The following GNAI1 variants were observed in gnomAD, a reference collection of about 807,000 sequenced individuals.
GNAI1 encodes the protein G protein subunit alpha i1.
A neutral mutation model predicts 38.9 loss-of-function variants in GNAI1; 11 were observed. The observed-to-expected ratio is 0.28, with a 90% confidence interval of 0.18 to 0.47. The LOEUF (loss-of-function observed/expected upper bound fraction) is 0.47, where lower values mean the gene tolerates loss of function less well. Among genes scored for constraint, GNAI1 ranks in the 20% least tolerant of loss-of-function variants. The probability of loss-of-function intolerance (pLI) is 0.99; values close to 1 mark genes in which losing one functional copy is unlikely to be tolerated. For synonymous variants in GNAI1, 166 were observed against 145.1 expected, an observed-to-expected ratio of 1.14 and a Z score of -1.04; for missense variants, 317 against 436.9, an observed-to-expected ratio of 0.73 and a Z score of 2.45.
At chr7:80,204,343 A>G (rs1198751178) in intron 5 of GNAI1, among the ~76,000 whole-genome samples, 1 of 152,070 alleles carries the variant, frequency 6.6e-6, no homozygotes, top group Non-Finnish European at 1.5e-5. Flanking sequence ...TTTAAAGTGT[A>G]CTGAATATCC....
chr7:80,217,198 C>CTGTATGAAACTGACTTCAGTTTCATA (rs146256242), intron 7 of GNAI1, 105 bp from the exon 8 acceptor site: 162,886 of 476,932 alleles, frequency 0.34, 32,625 homozygotes, highest in East Asian at 0.79. Context: ...ATGAATGAAA[C>CTGTATGAAACTGACTTCAGTTTCATA]TGTATGAAAC....
chr7:80,169,576 T>A (rs1788068070), intron 1 of GNAI1, among the ~76,000 whole-genome samples: 1 of 152,168 alleles, frequency 6.6e-6, no homozygotes, highest in Non-Finnish European at 1.5e-5. Flanking sequence ...GATGACTTCA[T>A]GGAAGGGAAG....
Position 80,222,222 on chromosome 7 carries a change from C to T in GNAI1, c.*4729C>T, listed in dbSNP as rs1789091334. On this transcript the variant is annotated 3_prime_UTR_variant, in exon 8 of 8. Transcript: ENST00000649796. ...ATTGTCCAAGCCAGAGCTGATTAGG[C>T]CTCAACTGGAATAGTCCCACCATGT... 6.6e-6 allele frequency among the ~76,000 whole-genome samples: 1 copy of T among 151,994 alleles called. No homozygotes were observed. The highest frequency in any genetic ancestry group is 1.5e-5 in the Non-Finnish European group (1 of 67,998).
chr7:80,206,083 C>T (rs760804354), intron 5 of GNAI1, among the ~76,000 whole-genome samples: 4 of 151,984 alleles, frequency 2.6e-5, no homozygotes, highest in Non-Finnish European at 4.4e-5. Flanking sequence ...TTATATGCAA[C>T]GATACTTCTG....
rs1237035776 is a variant in GNAI1, at chr7:80,135,295, CG to C, written c.118+21del. On this transcript the variant is annotated intron_variant, in intron 1 of 7. Transcript: ENST00000649796. ...TGCTGCTCGGTAAGGGCGGCCGGGT[CG>C]GGGCCCGGGGGTCGGCGGGGGACCG... 7.3e-7 allele frequency: 1 copy of C among 1,373,682 alleles called. No homozygotes were observed. The highest frequency in any genetic ancestry group is 9.6e-7 in the Non-Finnish European group (1 of 1,044,958). The allele number at this position is 1,373,682 out of a possible 1,614,324, so 85.1% of individuals were successfully genotyped here.
chr7:80,157,026 G>GA (rs1162635152), intron 1 of GNAI1, among the ~76,000 whole-genome samples: 2 of 152,094 alleles, frequency 1.3e-5, no homozygotes, highest in African/African-American at 4.8e-5. Context: ...TATTGGTTTG[G>GA]AAAAATGCGT....
At chr7:80,217,244 T>TTTCATTTGTATGAAACTGA in intron 7 of GNAI1, 59 bp from the exon 8 acceptor site, 1 of 1,093,800 alleles carries the variant, frequency 9.1e-7, no homozygotes, top group Non-Finnish European at 1.3e-6. Flanking sequence ...CTGAATTCAG[T>TTTCATTTGTATGAAACTGA]ATTTTAAGCA....
At position 80,220,129 on chromosome 7, in the gene GNAI1, G is replaced by A. The variant is rs1199780176; in HGVS notation, c.*2636G>A. ...GATTTGTCAATAAAATTAAGTATAA[G>A]TTAGCCTGCCATTTAATGCTCTTCA... On this transcript the variant is annotated 3_prime_UTR_variant, in exon 8 of 8. Transcript: ENST00000649796. 2.0e-5 allele frequency among the ~76,000 whole-genome samples: 3 copies of A among 152,076 alleles called. No homozygotes were observed. Among genetic ancestry groups the A allele is most frequent in the Admixed American group, 2.0e-4 (3 of 15,268 alleles).
At chr7:80,177,844 T>C (rs1314014703) in intron 1 of GNAI1, among the ~76,000 whole-genome samples, 1 of 152,244 alleles carries the variant, frequency 6.6e-6, no homozygotes, top group Non-Finnish European at 1.5e-5. Context: ...ATTTCAACTT[T>C]CATGTGTTAT....
intron 1 of GNAI1, among the ~76,000 whole-genome samples, chr7:80,154,062 A>G (rs1341677865): frequency 6.6e-6 from 1 of 152,114 alleles, no homozygotes; most frequent in Non-Finnish European, 1.5e-5. Flanking sequence ...AGCTGGGACT[A>G]CAGGCACTCA....
chr7:80,137,663 A>G (rs1787449526), intron 1 of GNAI1, among the ~76,000 whole-genome samples: 1 of 152,150 alleles, frequency 6.6e-6, no homozygotes, highest in South Asian at 2.1e-4. Context: ...CATTGGAAAT[A>G]TTTCAGAATG....
intron 1 of GNAI1, among the ~76,000 whole-genome samples, chr7:80,137,164 A>G (rs951832586): frequency 6.6e-6 from 1 of 151,704 alleles, no homozygotes; most frequent in African/African-American, 2.4e-5. Flanking sequence ...AGACTTAAAT[A>G]TAACTGAATG....
intron 1 of GNAI1, among the ~76,000 whole-genome samples, chr7:80,153,380 CTT>C (rs1283434268): frequency 3.3e-5 from 5 of 151,868 alleles, no homozygotes; most frequent in Admixed American, 3.3e-4. Flanking sequence ...TTTCTAATAA[CTT>C]TTAAAGTATG....
At chr7:80,197,604 A>G (rs1788600576) in intron 3 of GNAI1, among the ~76,000 whole-genome samples, 1 of 152,084 alleles carries the variant, frequency 6.6e-6, no homozygotes, top group Admixed American at 6.6e-5. Flanking sequence ...AATTTGGATA[A>G]TTGAATAATT....
chr7:80,202,078 G>T (rs1362800141), intron 4 of GNAI1, among the ~76,000 whole-genome samples: 4 of 151,830 alleles, frequency 2.6e-5, no homozygotes, highest in African/African-American at 9.7e-5. Flanking sequence ...CAGTTTTTTT[G>T]TTGTTGTTGT....
chr7:80,152,224 G>T (rs1178120509), intron 1 of GNAI1, among the ~76,000 whole-genome samples: 1 of 152,124 alleles, frequency 6.6e-6, no homozygotes, highest in Admixed American at 6.5e-5. Context: ...CCTCTGTTAT[G>T]CTTCTTTCCT....
chr7:80,179,359 C>T (rs145943681), intron 1 of GNAI1, among the ~76,000 whole-genome samples: 4,206 of 152,184 alleles, frequency 0.028, 96 homozygotes, highest in Non-Finnish European at 0.042. Context: ...CTGGATGGGG[C>T]CTGAGATGTC....
rs1787380106 is a variant in GNAI1 at position 80,134,928 on chromosome 7, G to A, written c.-233G>A. On this transcript the variant is annotated 5_prime_UTR_variant, in exon 1 of 8. Transcript: ENST00000649796. ...TCAAAACCCCAAACCCGGGACTTGG[G>A]GGCGCTGAGCCGGGCCGGGAAGCAG... 1 of 378,328 alleles carries A rather than the reference G, an allele frequency of 2.6e-6. No homozygotes were observed. Among genetic ancestry groups the A allele is most frequent in the Non-Finnish European group, 4.7e-6 (1 of 213,646 alleles). The allele number at this position is 378,328 out of a possible 1,614,324, so 23.4% of individuals were successfully genotyped here.
At chr7:80,162,187 G>A (rs181931515) in intron 1 of GNAI1, among the ~76,000 whole-genome samples, 209 of 152,166 alleles carry the variant, frequency 1.4e-3, no homozygotes, top group Admixed American at 2.6e-3. Context: ...ACCAGGAAGA[G>A]GGCCCTCACC....
Sources: gnomAD v4.1 joint callset for allele counts (sites outside exome capture counted in the v4.1 genomes callset) on GRCh38, gnomAD v4.1.1 for gene constraint, MANE v1.5 for transcripts, NCBI Gene and HGNC (gene_info 2026-07-23, HGNC 2026-07-21) for gene names.